The following CCDC177 variants were observed in gnomAD, a reference collection of about 807,000 sequenced individuals.
The protein encoded by CCDC177 is coiled-coil domain-containing protein 177.
Under a neutral mutation model 7.3 loss-of-function variants are expected in CCDC177, and 2 were observed. The ratio of observed to expected loss-of-function variants is 0.28; its 90% CI spans 0.11 to 0.87. The LOEUF (loss-of-function observed/expected upper bound fraction) is 0.87, where lower values mean the gene tolerates loss of function less well. Ranked by LOEUF, CCDC177 falls within the 40% of genes least tolerant of loss-of-function variation. The pLI, the probability that CCDC177 is intolerant of heterozygous loss-of-function variation, is 0.61. For missense variants in CCDC177, 874 were observed against 970.5 expected (o/e 0.90, Z 1.32); for synonymous variants, 401 against 449.2 (o/e 0.89, Z 1.36).
At chr14:69,573,774 T>C (rs889342320) in intron 1 of CCDC177, 124 bp from the exon 2 acceptor site, 7 of 913,428 alleles carry the variant, frequency 7.7e-6, no homozygotes, top group East Asian at 3.3e-5. Flanking sequence ...TGGTGGAACG[T>C]AAATCATAAA....
rs1174678717 is a variant in CCDC177 at position 69,573,078 on chromosome 14, G to T, written c.545C>A (p.Ala182Asp). ...GCTGCTGCTGCTGCCCGCGCTCGGGGCCGAGGCCGCGGCGGCGGCGGCGGC... is the reference window on the plus strand; with the variant it reads ...GCTGCTGCTGCTGCCCGCGCTCGGGTCCGAGGCCGCGGCGGCGGCGGCGGC... ...AAAAAAAAAS[A>D]PSAGSSSSCS... The change falls in exon 2 of 2, where the codon GCC becomes GAC. Residue 182 changes from alanine to aspartate, a missense_variant. Transcript: ENST00000599174. The T allele has an allele frequency of 3.5e-6, 4 of 1,149,754 alleles. No homozygotes were observed. In the African/African-American group the frequency reaches 8.7e-5, roughly 25 times the overall value. The allele number at this position is 1,149,754 out of a possible 1,614,324, so 71.2% of individuals were successfully genotyped here.
At position 69,571,253 on chromosome 14, in the gene CCDC177, G is replaced by C. The variant is rs576000955; in HGVS notation, c.*246C>G. 1 of 589,292 alleles carries C rather than the reference G, an allele frequency of 1.7e-6. No individual in the cohort carries two copies. The highest frequency in any genetic ancestry group is 1.9e-5 in the African/African-American group (1 of 53,836). 36.5% of individuals were successfully genotyped at this position (589,292 alleles called of 1,614,324 possible). A position where few individuals can be genotyped will look rare whatever the true frequency, so the allele number is the denominator to read the frequency against. On this transcript the variant is annotated 3_prime_UTR_variant, in exon 2 of 2. Transcript: ENST00000599174. The stretch of plus-strand genomic sequence containing the variant: ...GAGACACATAGGGAAGTTTGGCAAG[G>C]GTCGGTGCGGGAGCCATCAAGGGTG...
rs1426048888 is a variant in CCDC177 at position 69,574,605 on chromosome 14, C to G, written c.-92G>C. On this transcript the variant is annotated 5_prime_UTR_variant, in exon 1 of 2. Transcript: ENST00000599174. The stretch of plus-strand genomic sequence containing the variant: ...GTTCGCAGCTCGCCGCTGTCCCCTG[C>G]GCTTCTTCAGTCTCTGCGCCGGCGG... The G allele has an allele frequency of 1.3e-5, 2 of 152,408 alleles. No individual in the cohort carries two copies. The highest frequency in any genetic ancestry group is 4.8e-5 in the African/African-American group (2 of 41,594). The allele number at this position is 152,408 out of a possible 1,614,324, so 9.4% of individuals were successfully genotyped here. A position where few individuals can be genotyped will look rare whatever the true frequency, so the allele number is the denominator to read the frequency against.
chr14:69,573,787 C>T, intron 1 of CCDC177, 137 bp from the exon 2 acceptor site: 1 of 845,286 alleles, frequency 1.2e-6, no homozygotes, highest in South Asian at 6.3e-5. Flanking sequence ...ATCATAAAAC[C>T]GATGTCGGAA....
In CCDC177 at chr14:69,571,416, GAGCGGGGACTCCCACGATGGTC is replaced by G; in HGVS notation, c.*61_*82del. ...TCGAGAGGCCACCGCGCTGCGCACCGAGCGGGGACTCCCACGATGGTCAGTGGTTGAGGGAGGCCCCAGGGGG... is the reference window on the plus strand; with the variant it reads ...TCGAGAGGCCACCGCGCTGCGCACCGAGTGGTTGAGGGAGGCCCCAGGGGG... On this transcript the variant is annotated 3_prime_UTR_variant, in exon 2 of 2. Coordinates refer to ENST00000599174, the MANE Select transcript of CCDC177 (RefSeq NM_001271507.2). 2 of 988,776 alleles carry G rather than the reference GAGCGGGGACTCCCACGATGGTC, an allele frequency of 2.0e-6. No homozygotes were observed. Among genetic ancestry groups the G allele is most frequent in the Non-Finnish European group, 2.7e-6 (2 of 750,988 alleles). The allele number at this position is 988,776 out of a possible 1,614,324, so 61.3% of individuals were successfully genotyped here.
rs1279766777 is a variant in CCDC177, at chr14:69,573,515, C to A, written c.108G>T (p.Glu36Asp). ...AGGCCGAGGCCGAGGAAGCTGCGGG[C>A]TCCTGTGCGCCCTGGGAATCAGGGG... ...SVPPDSQGAQ[E>D]PAASSASASA... The change falls in exon 2 of 2, where the codon GAG (glutamate) becomes GAT (aspartate). Residue 36 changes from glutamate to aspartate, a missense_variant. Glu to Asp is a conservative substitution (Grantham distance 45). Coordinates refer to ENST00000599174, the MANE Select transcript of CCDC177 (RefSeq NM_001271507.2). The A allele has an allele frequency of 8.1e-7, 1 of 1,231,610 alleles. No individual in the cohort carries two copies. Among genetic ancestry groups the A allele is most frequent in the Non-Finnish European group, 1.0e-6 (1 of 987,820 alleles). 76.3% of individuals were successfully genotyped at this position (1,231,610 alleles called of 1,614,324 possible).
rs1425708361 is a variant in CCDC177 at position 69,571,991 on chromosome 14, G to A, written c.1632C>T (p.Asn544=). The change falls in exon 2 of 2, where the codon AAC becomes AAT. Residue 544 remains asparagine (N), a synonymous_variant. Transcript: ENST00000599174. ...LEASLGRAQE[N]YEHLVEQRTR... Reference sequence around the variant, plus strand: ...TGCGCTGCTCCACCAAATGCTCGTAGTTCTCCTGCGCACGGCCCAAACTGG... The same window carrying A: ...TGCGCTGCTCCACCAAATGCTCGTAATTCTCCTGCGCACGGCCCAAACTGG... 5 of 1,231,240 alleles carry A rather than the reference G, an allele frequency of 4.1e-6. No individual in the cohort carries two copies. The highest frequency in any genetic ancestry group is 1.6e-5 in the African/African-American group (1 of 64,334). The allele number at this position is 1,231,240 out of a possible 1,614,324, so 76.3% of individuals were successfully genotyped here.
At chr14:69,573,922 CTAGCCCGCTAGATGCATCCCCTT>C (rs1013488672) in intron 1 of CCDC177, among the ~76,000 whole-genome samples, 2 of 152,206 alleles carry the variant, frequency 1.3e-5, no homozygotes, top group African/African-American at 4.8e-5. Flanking sequence ...CTCTGGGCGC[CTAGCCCGCTAGATGCATCCCCTT>C]TCTGCTGCAA....
At position 69,573,373 on chromosome 14, in the gene CCDC177, C is replaced by T; in HGVS notation, c.250G>A (p.Ala84Thr). The change falls in exon 2 of 2, where the codon GCG (alanine) becomes ACG (threonine). Residue 84 changes from alanine to threonine, a missense_variant. Physicochemically the swap from Ala to Thr is moderately conservative, Grantham distance 58 (BLOSUM62 0). Coordinates refer to ENST00000599174, the MANE Select transcript of CCDC177 (RefSeq NM_001271507.2). ...GTCAGCACGTAGCGGCTGCCCTCCG[C>T]CTCTGGGCAGTCGAAGTTGAAGAGG... ...LDLFNFDCPE[A>T]EGSRYVLTSP... is the part of the protein sequence containing the mutation. 1 of 1,231,394 alleles carries T rather than the reference C, an allele frequency of 8.1e-7. No homozygotes were observed. Among genetic ancestry groups the T allele is most frequent in the South Asian group, 4.1e-5 (1 of 24,322 alleles). 76.3% of individuals were successfully genotyped at this position (1,231,394 alleles called of 1,614,324 possible). A position where few individuals can be genotyped will look rare whatever the true frequency, so the allele number is the denominator to read the frequency against.
chr14:69,572,449 G>T lies in CCDC177; in HGVS notation c.1174C>A (p.Arg392Ser), dbSNP rs1884347656. 8.1e-7 allele frequency: 1 copy of T among 1,229,296 alleles called. No individual in the cohort carries two copies. Among genetic ancestry groups the T allele is most frequent in the Non-Finnish European group, 1.0e-6 (1 of 986,484 alleles). 76.1% of individuals were successfully genotyped at this position (1,229,296 alleles called of 1,614,324 possible). A position where few individuals can be genotyped will look rare whatever the true frequency, so the allele number is the denominator to read the frequency against. Residue 392 changes from arginine to serine, a missense_variant, in exon 2 of 2, where the codon CGC (arginine) becomes AGC (serine). Transcript: ENST00000599174. Reference protein sequence around the residue: ...REKQRALEQGRRAWAAQVEER... With the variant: ...REKQRALEQGSRAWAAQVEER... ...TCCACCTGCGCGGCCCAGGCTCGGC[G>T]GCCCTGCTCTAGGGCGCGCTGCTTC...
rs992044529 is a variant in CCDC177, at chr14:69,570,666, T to C, written c.*833A>G. On this transcript the variant is annotated 3_prime_UTR_variant, in exon 2 of 2. Transcript: ENST00000599174. The stretch of plus-strand genomic sequence containing the variant: ...AGGCATGACTGCTGTCTTCATGGAG[T>C]GGGCCCCACCCTGCAAGGAAGCTTA... 4 of 373,002 alleles carry C rather than the reference T, an allele frequency of 1.1e-5. No homozygotes were observed. The highest frequency in any genetic ancestry group is 6.4e-5 in the African/African-American group (3 of 46,904). 23.1% of individuals were successfully genotyped at this position (373,002 alleles called of 1,614,324 possible).
chr14:69,573,034 G>A lies in CCDC177; in HGVS notation c.589C>T (p.Pro197Ser), dbSNP rs1206515401. 12 of 1,228,454 alleles carry A rather than the reference G, an allele frequency of 9.8e-6. No homozygotes were observed. Among genetic ancestry groups the A allele is most frequent in the East Asian group, 3.2e-5 (1 of 31,554 alleles). The allele number at this position is 1,228,454 out of a possible 1,614,324, so 76.1% of individuals were successfully genotyped here. Residue 197 changes from proline (P) to serine (S), a missense_variant, in exon 2 of 2, where the codon CCG (proline) becomes TCG (serine). Transcript: ENST00000599174. ...SSSSCSSASL[P>S]ASPAPRAARK... ...GCCGCACGCGGCGCGGGCGAGGCCG[G>A]GAGGCTGGCGCTGCTGCAGCTGCTG...
Position 69,573,469 on chromosome 14 carries a change from G to T in CCDC177, c.154C>A (p.Arg52Ser). Residue 52 changes from arginine to serine, a missense_variant, in exon 2 of 2, where the codon CGC (arginine) becomes AGC (serine). Coordinates refer to ENST00000599174, the MANE Select transcript of CCDC177 (RefSeq NM_001271507.2). ...ASASASAAVP[R>S]KAEVPCAAAE... ...GCTGCACATGGGACTTCTGCCTTGC[G>T]GGGCACCGCCGCGGAGGCCGAGGCC... The T allele has an allele frequency of 8.1e-7, 1 of 1,231,318 alleles. No individual in the cohort carries two copies. The highest frequency in any genetic ancestry group is 4.2e-5 in the Admixed American group (1 of 23,712). The allele number at this position is 1,231,318 out of a possible 1,614,324, so 76.3% of individuals were successfully genotyped here.
In CCDC177 at chr14:69,571,953, C is replaced by T. The variant is rs764554800; in HGVS notation, c.1670G>A (p.Arg557Gln). 4.9e-4 allele frequency: 608 copies of T among 1,232,174 alleles called. 2 individuals carry two copies. Among genetic ancestry groups the T allele is most frequent in the Middle Eastern group, 4.7e-3 (15 of 3,216 alleles). 76.3% of individuals were successfully genotyped at this position (1,232,174 alleles called of 1,614,324 possible). A position where few individuals can be genotyped will look rare whatever the true frequency, so the allele number is the denominator to read the frequency against. ...HLVEQRTREL[R>Q]ERARREELQG... ...CAGCTCCTCTCGCCGGGCCCGCTCC[C>T]GCAGCTCCCGGGTGCGCTGCTCCAC... Residue 557 changes from arginine to glutamine, a missense_variant, in exon 2 of 2, where the codon CGG (arginine) becomes CAG (glutamine). Transcript: ENST00000599174.
Position 69,571,722 on chromosome 14 carries a change from C to A in CCDC177, c.1901G>T (p.Arg634Met). The A allele has an allele frequency of 8.1e-7, 1 of 1,231,826 alleles. No homozygotes were observed. The highest frequency in any genetic ancestry group is 1.0e-6 in the Non-Finnish European group (1 of 988,120). 76.3% of individuals were successfully genotyped at this position (1,231,826 alleles called of 1,614,324 possible). A position where few individuals can be genotyped will look rare whatever the true frequency, so the allele number is the denominator to read the frequency against. ...CTCTCGCCGGCGGCAGTCTTCGTCC[C>A]TCTCCACCTTCTCCTTGTTGGCGCG... ...AQRANKEKVERDEDCRRRELL... is the reference protein window; with the variant it reads ...AQRANKEKVEMDEDCRRRELL... Residue 634 changes from arginine (R) to methionine (M), a missense_variant, in exon 2 of 2, where the codon AGG becomes ATG. Physicochemically the swap from Arg to Met is moderately conservative, Grantham distance 91 (BLOSUM62 -1). Coordinates refer to ENST00000599174, the MANE Select transcript of CCDC177 (RefSeq NM_001271507.2).
rs763785859 is a variant in CCDC177, at chr14:69,570,380, C to G, written c.*1119G>C. The G allele has an allele frequency of 2.4e-5, 4 of 168,798 alleles. No individual in the cohort carries two copies. Among genetic ancestry groups the G allele is most frequent in the Non-Finnish European group, 5.2e-5 (4 of 76,920 alleles). 10.5% of individuals were successfully genotyped at this position (168,798 alleles called of 1,614,324 possible). A position where few individuals can be genotyped will look rare whatever the true frequency, so the allele number is the denominator to read the frequency against. On this transcript the variant is annotated 3_prime_UTR_variant, in exon 2 of 2. Coordinates refer to ENST00000599174, the MANE Select transcript of CCDC177 (RefSeq NM_001271507.2). ...TACCAGGAAATTTAAGGGGGAGACTCTTTTTCCTGGGGGCAGGTGGAGAAG... is the reference window on the plus strand; with the variant it reads ...TACCAGGAAATTTAAGGGGGAGACTGTTTTTCCTGGGGGCAGGTGGAGAAG...
At position 69,570,959 on chromosome 14, in the gene CCDC177, A is replaced by G. The variant is rs759698642; in HGVS notation, c.*540T>C. On this transcript the variant is annotated 3_prime_UTR_variant, in exon 2 of 2. Transcript: ENST00000599174. ...TAAAAAATCAACTGCTTTTTGGATC[A>G]TTTGGGCGTGGCTTGACACCTTGGA... 1 of 458,948 alleles carries G rather than the reference A, an allele frequency of 2.2e-6. No individual in the cohort carries two copies. Among genetic ancestry groups the G allele is most frequent in the South Asian group, 1.5e-5 (1 of 64,582 alleles). 28.4% of individuals were successfully genotyped at this position (458,948 alleles called of 1,614,324 possible).
chr14:69,572,467 G>C lies in CCDC177; in HGVS notation c.1156C>G (p.Arg386Gly). Reference protein sequence around the residue: ...RREREEREKQRALEQGRRAWA... With the variant: ...RREREEREKQGALEQGRRAWA... ...GCTCGGCGGCCCTGCTCTAGGGCGC[G>C]CTGCTTCTCCCGCTCCTCGCGCTCC... Residue 386 changes from arginine (R) to glycine (G), a missense_variant, in exon 2 of 2, where the codon CGC becomes GGC. Arg to Gly is a moderately radical substitution (Grantham distance 125). Coordinates refer to ENST00000599174, the MANE Select transcript of CCDC177 (RefSeq NM_001271507.2). The C allele has an allele frequency of 2.4e-6, 3 of 1,229,956 alleles. No individual in the cohort carries two copies. The highest frequency in any genetic ancestry group is 3.0e-6 in the Non-Finnish European group (3 of 986,888). The allele number at this position is 1,229,956 out of a possible 1,614,324, so 76.2% of individuals were successfully genotyped here.
rs1340699640 is a variant in CCDC177 at position 69,572,590 on chromosome 14, T to C, written c.1033A>G (p.Met345Val). The C allele has an allele frequency of 1.6e-6, 2 of 1,231,092 alleles. No homozygotes were observed. The highest frequency in any genetic ancestry group is 2.0e-6 in the Non-Finnish European group (2 of 987,592). 76.3% of individuals were successfully genotyped at this position (1,231,092 alleles called of 1,614,324 possible). Residue 345 changes from methionine to valine, a missense_variant, in exon 2 of 2, where the codon ATG (methionine) becomes GTG (valine). Coordinates refer to ENST00000599174, the MANE Select transcript of CCDC177 (RefSeq NM_001271507.2). The part of the protein sequence containing the change: ...PERDRKIAAL[M>V]LARHQEELLL... Reference sequence around the variant, plus strand: ...AGCTCCTCCTGGTGCCGCGCCAGCATGAGCGCCGCGATCTTCCGGTCACGC... The same window carrying C: ...AGCTCCTCCTGGTGCCGCGCCAGCACGAGCGCCGCGATCTTCCGGTCACGC...
Sources: gnomAD v4.1 joint callset for allele counts (sites outside exome capture counted in the v4.1 genomes callset) on GRCh38, gnomAD v4.1.1 for gene constraint, MANE v1.5 for transcripts, NCBI Gene and HGNC (gene_info 2026-07-23, HGNC 2026-07-21) for gene names.